The following AHCY variants were observed in gnomAD, a reference collection of about 807,000 sequenced individuals.
AHCY encodes the protein S-adenosyl-L-homocysteine hydrolase.
AHCY carries 24 observed loss-of-function variants against 45.4 expected under a neutral mutation model. The ratio of observed to expected loss-of-function variants is 0.53; its 90% CI spans 0.38 to 0.74. The LOEUF (loss-of-function observed/expected upper bound fraction) is 0.74. Among genes scored for constraint, AHCY ranks in the 30% least tolerant of loss-of-function variants. The pLI is 0.00. For missense variants in AHCY, 449 were observed against 594.1 expected (o/e 0.76, Z 2.54); for synonymous variants, 245 against 235.1 (o/e 1.04, Z -0.39).
chr20:34,286,301 A>G (rs1431943209), intron 8 of AHCY: 1 of 154,420 alleles, frequency 6.5e-6, no homozygotes, highest in Non-Finnish European at 1.4e-5. Flanking sequence ...TTCATCCCAG[A>G]AACAACCCTG....
At chr20:34,266,344 C>G in the AHCY span, among the ~76,000 whole-genome samples, 36,998 of 147,952 alleles carry the variant, frequency 0.25, 7,406 homozygotes, top group African/African-American at 0.56. Flanking sequence ...AGCGAGACTC[C>G]GTCTCAAAAA....
intron 2 of AHCY, chr20:34,295,138 T>C: frequency 1.7e-6 from 1 of 586,928 alleles, no homozygotes; most frequent in Non-Finnish European, 3.1e-6. Flanking sequence ...GAATTTTTCC[T>C]GCCAGAGCAT....
chr20:34,250,538 C>CT, the AHCY span, among the ~76,000 whole-genome samples: 1 of 152,092 alleles, frequency 6.6e-6, no homozygotes, highest in Non-Finnish European at 1.5e-5. Flanking sequence ...TGGCTCACAC[C>CT]TGTAATCCCA....
chr20:34,259,597 T>C, the AHCY span, among the ~76,000 whole-genome samples: 2 of 151,764 alleles, frequency 1.3e-5, no homozygotes, highest in African/African-American at 4.8e-5. Flanking sequence ...AATACAAAAA[T>C]TAGCCTGGCA....
chr20:34,291,301 G>T, intron 5 of AHCY, 118 bp downstream of exon 5: 2 of 954,296 alleles, frequency 2.1e-6, no homozygotes, highest in South Asian at 2.6e-5. Context: ...AACCGCTTTT[G>T]CCCCCTCAAA....
At chr20:34,241,789 A>AC in the AHCY span, among the ~76,000 whole-genome samples, 1 of 152,174 alleles carries the variant, frequency 6.6e-6, no homozygotes, top group African/African-American at 2.4e-5. Context: ...ATCGACCCTG[A>AC]CCCCAAAGTC....
At chr20:34,288,726 A>G (rs181251139) in intron 8 of AHCY, among the ~76,000 whole-genome samples, 52 of 152,264 alleles carry the variant, frequency 3.4e-4, no homozygotes, top group Middle Eastern at 3.4e-3. Context: ...TATCCTAAGG[A>G]CCAATTATAG....
the AHCY span, among the ~76,000 whole-genome samples, chr20:34,264,055 GA>G: frequency 4.6e-5 from 7 of 151,328 alleles, 1 homozygote; most frequent in South Asian, 6.3e-4. Flanking sequence ...TTTAAAAAAT[GA>G]AAAAAAAGTA....
the AHCY span, among the ~76,000 whole-genome samples, chr20:34,268,691 G>T: frequency 0.24 from 37,050 of 151,300 alleles, 7,457 homozygotes; most frequent in African/African-American, 0.55. Flanking sequence ...CCGAGATCGC[G>T]CCACTGCAGT....
At position 34,290,936 on chromosome 20, in the gene AHCY, G is replaced by T; in HGVS notation, c.561C>A (p.Ser187Arg). 6.2e-7 allele frequency: 1 copy of T among 1,614,060 alleles called. No homozygotes were observed. The highest frequency in any genetic ancestry group is 8.5e-7 in the Non-Finnish European group (1 of 1,179,976). The change falls in exon 6 of 10, where the codon AGC (serine) becomes AGA (arginine). Residue 187 changes from serine (S) to arginine (R), a missense_variant and splice_region_variant. Physicochemically the swap from Ser to Arg is moderately radical, Grantham distance 110 (BLOSUM62 -1). Coordinates refer to ENST00000217426, the MANE Select transcript of AHCY (RefSeq NM_000687.4). This position sits in a 1 kb window ranked among gnomAD's most constrained non-coding sequence, Gnocchi z 4.5. ...GGCAGCCATAGAGGTTGTCAAACTT[G>T]CTCTGAAAGGAAAGGGGGTAAGGAG... ...AINVNDSVTK[S>R]KFDNLYGCRE...
the AHCY span, among the ~76,000 whole-genome samples, chr20:34,270,322 G>A: frequency 2.6e-5 from 4 of 151,468 alleles, 1 homozygote; most frequent in Admixed American, 2.6e-4. Context: ...TTCCCTCTCT[G>A]TTCCTTAACA....
At chr20:34,308,657 T>G (rs1443054005) in intron 1 of AHCY, among the ~76,000 whole-genome samples, 6 of 146,428 alleles carry the variant, frequency 4.1e-5, no homozygotes, top group African/African-American at 1.5e-4. Flanking sequence ...ATTTGGCAAT[T>G]TTTTTTTTTT....
chr20:34,244,403 C>G, the AHCY span, among the ~76,000 whole-genome samples: 8 of 152,206 alleles, frequency 5.3e-5, no homozygotes, highest in African/African-American at 1.4e-4. Context: ...GAATAAGAAC[C>G]TCTAGCCTCT....
chr20:34,249,052 C>T, the AHCY span, among the ~76,000 whole-genome samples: 1 of 151,848 alleles, frequency 6.6e-6, no homozygotes, highest in African/African-American at 2.4e-5. Flanking sequence ...TTGCTTGAAC[C>T]CTGAAGGCAG....
chr20:34,271,765 A>G, the AHCY span, among the ~76,000 whole-genome samples: 3 of 151,970 alleles, frequency 2.0e-5, no homozygotes. Context: ...GGGTTTCACC[A>G]TGTTGGCCAG....
At chr20:34,291,635 C>A in intron 4 of AHCY, 104 bp from the exon 5 acceptor site, 1 of 1,052,292 alleles carries the variant, frequency 9.5e-7, no homozygotes, top group South Asian at 1.3e-5. Context: ...GGGTTCCCAT[C>A]TCTGTGACTG....
At chr20:34,258,905 T>C in the AHCY span, among the ~76,000 whole-genome samples, 1 of 134,928 alleles carries the variant, frequency 7.4e-6, no homozygotes, top group Non-Finnish European at 1.5e-5. Context: ...ATAGTGTATA[T>C]ATATATACAC....
chr20:34,251,438 T>C, the AHCY span, among the ~76,000 whole-genome samples: 1 of 147,900 alleles, frequency 6.8e-6, no homozygotes, highest in Non-Finnish European at 1.5e-5. Context: ...GCCCGGCTGA[T>C]TTTTTTTTGT....
chr20:34,290,336 GGC>G lies in AHCY; in HGVS notation c.966_967del (p.Lys322AsnfsTer38). The G allele has an allele frequency of 6.2e-7, 1 of 1,613,956 alleles. No individual in the cohort carries two copies. On this transcript the variant is annotated frameshift_variant, in exon 8 of 10. Coordinates refer to ENST00000217426, the MANE Select transcript of AHCY (RefSeq NM_000687.4). LOFTEE classifies it high-confidence loss of function. The surrounding 1 kb of genome is among the most constrained non-coding windows in gnomAD (Gnocchi z 4.5). Reference sequence around the variant, plus strand: ...GGCAAGGCGGGAGCTTCTCACCTGCGGCTTGATGTTCACCTTCTCCACGGCGT... The same window carrying G: ...GGCAAGGCGGGAGCTTCTCACCTGCGTTGATGTTCACCTTCTCCACGGCGT...
Sources: gnomAD v4.1 joint callset for allele counts (sites outside exome capture counted in the v4.1 genomes callset) on GRCh38, gnomAD v4.1.1 for gene constraint, Gnocchi (gnomAD v3.1) non-coding constraint, MANE v1.5 for transcripts, NCBI Gene and HGNC (gene_info 2026-07-23, HGNC 2026-07-21) for gene names.